Variants in ZNF675 observed in about 807,000 individuals in gnomAD.
ZNF675 encodes the protein TRAF6 inhibitory zinc finger.
ZNF675 carries 36 observed loss-of-function variants against 56.1 expected under a neutral mutation model. That is an observed-to-expected ratio of 0.64 (90% CI 0.49 to 0.85). ZNF675 has a LOEUF of 0.85. ZNF675 is among the 40% of genes least tolerant of loss of function. The probability of loss-of-function intolerance (pLI) is 0.00; values close to 1 mark genes in which losing one functional copy is unlikely to be tolerated. For missense variants in ZNF675, 663 were observed against 654.2 expected, an observed-to-expected ratio of 1.01 and a Z score of -0.15; for synonymous variants, 200 against 218.9, an observed-to-expected ratio of 0.91 and a Z score of 0.76.
rs1599412682 is a variant in ZNF675 at position 23,662,138 on chromosome 19, G to C, written c.202C>G (p.His68Asp). The C allele has an allele frequency of 6.2e-7, 1 of 1,613,602 alleles. No individual in the cohort carries two copies. The highest frequency in any genetic ancestry group is 8.5e-7 in the Non-Finnish European group (1 of 1,179,724). ...CCTGGGGGTTCATTCACCATCTCAT[G>C]TCTCTTCACAGTCAAAGGCTCTTTT... ...QEKEPLTVKR[H>D]EMVNEPPVMC... is the part of the protein sequence containing the mutation. The change falls in exon 3 of 4, where the codon CAT becomes GAT. Residue 68 changes from histidine (H) to aspartate (D), a missense_variant. By Grantham distance (81) the His-to-Asp change is moderately conservative. This residue lies in a region of ZNF675 where 617 missense variants were observed against 590.5 expected (regional missense o/e 1.04). Transcript: ENST00000359788.
At chr19:23,658,756 G>A (rs768094956) in intron 3 of ZNF675, 14 of 130,354 alleles carry the variant, frequency 1.1e-4, no homozygotes, top group Non-Finnish European at 1.7e-4. Context: ...TCCAACTTTA[G>A]AAGCAAAAAA....
intron 3 of ZNF675, among the ~76,000 whole-genome samples, chr19:23,659,776 G>A (rs913359466): frequency 6.6e-6 from 1 of 152,078 alleles, no homozygotes; most frequent in African/African-American, 2.4e-5. Context: ...CAAAGTCTGG[G>A]AGAGATTCTG....
At chr19:23,669,735 G>T (rs1275550541) in intron 1 of ZNF675, among the ~76,000 whole-genome samples, 1 of 151,868 alleles carries the variant, frequency 6.6e-6, no homozygotes, top group Non-Finnish European at 1.5e-5. Context: ...CACCTGTAAT[G>T]CCAGCTACTC....
At chr19:23,658,691 A>G (rs1183350224) in intron 3 of ZNF675, 1 of 151,712 alleles carries the variant, frequency 6.6e-6, no homozygotes, top group African/African-American at 2.4e-5. Context: ...AAAAAAAGAC[A>G]GAAATTTTAC....
intron 1 of ZNF675, among the ~76,000 whole-genome samples, chr19:23,672,735 G>C (rs77503545): frequency 6.6e-6 from 1 of 152,160 alleles, no homozygotes; most frequent in Non-Finnish European, 1.5e-5. Flanking sequence ...AAAAGTTGAG[G>C]CAACATAAAT....
At chr19:23,660,288 G>C (rs1007845107) in intron 3 of ZNF675, among the ~76,000 whole-genome samples, 1 of 151,940 alleles carries the variant, frequency 6.6e-6, no homozygotes, top group Non-Finnish European at 1.5e-5. Context: ...AAAACTTGAG[G>C]TGTTTTCTCC....
chr19:23,665,481 G>T (rs968085192), intron 1 of ZNF675, among the ~76,000 whole-genome samples: 17 of 152,070 alleles, frequency 1.1e-4, no homozygotes, highest in Non-Finnish European at 2.4e-4. Flanking sequence ...TTCATGAGTG[G>T]TTTTTTTGTT....
intron 3 of ZNF675, chr19:23,655,913 C>A (rs978299160): frequency 6.6e-6 from 1 of 151,924 alleles, no homozygotes; most frequent in African/African-American, 2.4e-5. Flanking sequence ...GGCAACATAG[C>A]GAGACCCTGT....
At chr19:23,670,322 G>A (rs4932893) in intron 1 of ZNF675, among the ~76,000 whole-genome samples, 147,896 of 152,226 alleles carry the variant, frequency 0.97, 72,005 homozygotes, top group Middle Eastern at 1. Flanking sequence ...TAATTATGAC[G>A]CTATCCTGCA....
intron 1 of ZNF675, among the ~76,000 whole-genome samples, chr19:23,673,074 G>C (rs1032087263): frequency 4.6e-5 from 7 of 152,212 alleles, no homozygotes; most frequent in African/African-American, 1.7e-4. Flanking sequence ...TGGGGAGAAA[G>C]ACATAATTGT....
At chr19:23,682,586 T>C (rs1294543809) in intron 1 of ZNF675, among the ~76,000 whole-genome samples, 4 of 151,746 alleles carry the variant, frequency 2.6e-5, no homozygotes, top group African/African-American at 9.7e-5. Flanking sequence ...CCTTCTTCCA[T>C]GGCTGGGGTG....
At chr19:23,670,960 T>C (rs114295236) in intron 1 of ZNF675, among the ~76,000 whole-genome samples, 1,738 of 152,208 alleles carry the variant, frequency 0.011, 35 homozygotes, top group African/African-American at 0.039. Context: ...CTGATCCTCA[T>C]TGAAACTACA....
intron 1 of ZNF675, among the ~76,000 whole-genome samples, chr19:23,683,824 A>G (rs1017254848): frequency 2.6e-5 from 4 of 152,218 alleles, no homozygotes; most frequent in Non-Finnish European, 5.9e-5. Context: ...TCACTCTGGG[A>G]AAGAAAAAGG....
intron 1 of ZNF675, among the ~76,000 whole-genome samples, chr19:23,684,562 T>C (rs1773226835): frequency 6.6e-6 from 1 of 152,030 alleles, no homozygotes; most frequent in African/African-American, 2.4e-5. Flanking sequence ...GAGAATCGCT[T>C]GAACCTGGGA....
At position 23,654,539 on chromosome 19, in the gene ZNF675, G is replaced by A; in HGVS notation, c.394C>T (p.Leu132Phe). The part of the protein sequence containing the change: ...CKLHKGGYNG[L>F]NQCLPTMQSK... ...TGCATAGTTGGTAAACATTGGTTAAGTCCATTATAACCTCCCTTGTGCAAC... is the reference window on the plus strand; with the variant it reads ...TGCATAGTTGGTAAACATTGGTTAAATCCATTATAACCTCCCTTGTGCAAC... Residue 132 changes from leucine (L) to phenylalanine (F), a missense_variant, in exon 4 of 4, where the codon CTT becomes TTT. Leu to Phe is a conservative substitution (Grantham distance 22). This residue lies in a region of ZNF675 where 617 missense variants were observed against 590.5 expected (regional missense o/e 1.04). Transcript: ENST00000359788. The A allele has an allele frequency of 6.2e-7, 1 of 1,606,898 alleles. No homozygotes were observed. The highest frequency in any genetic ancestry group is 1.1e-5 in the South Asian group (1 of 90,078).
Position 23,653,516 on chromosome 19 carries a change from T to G in ZNF675, c.1417A>C (p.Ile473Leu), listed in dbSNP as rs1423130743. The G allele has an allele frequency of 1.2e-6, 2 of 1,613,314 alleles. No individual in the cohort carries two copies. Among genetic ancestry groups the G allele is most frequent in the Admixed American group, 3.3e-5 (2 of 59,956 alleles). Reference protein sequence around the residue: ...QSSKLTEHKKIHSGEIPYKCE... With the variant: ...QSSKLTEHKKLHSGEIPYKCE... ...TTGTAGGGTATCTCTCCAGAATGAA[T>G]TTTCTTATGTTCAGTAAGTTTTGAG... The change falls in exon 4 of 4, where the codon ATT (isoleucine) becomes CTT (leucine). Residue 473 changes from isoleucine to leucine, a missense_variant. Ile to Leu is a conservative substitution (Grantham distance 5). This residue lies in a region of ZNF675 where 617 missense variants were observed against 590.5 expected (regional missense o/e 1.04). Transcript: ENST00000359788.
chr19:23,661,644 T>G (rs1167663201), intron 3 of ZNF675, among the ~76,000 whole-genome samples: 2 of 151,960 alleles, frequency 1.3e-5, no homozygotes, highest in Admixed American at 1.3e-4. Flanking sequence ...GAGTCCAGAC[T>G]GTAGCACTGC....
At chr19:23,681,580 C>A (rs1852437) in intron 1 of ZNF675, among the ~76,000 whole-genome samples, 147,160 of 151,620 alleles carry the variant, frequency 0.97, 71,720 homozygotes, top group Middle Eastern at 1. Context: ...TACTGAACAC[C>A]AAGCAATCCT....
chr19:23,662,019 G>T, intron 3 of ZNF675, 95 bp downstream of exon 3: 1 of 887,380 alleles, frequency 1.1e-6, no homozygotes. Flanking sequence ...TTTAAAACAC[G>T]GCTTCCCAAA....
Sources: gnomAD v4.1 joint callset for allele counts (sites outside exome capture counted in the v4.1 genomes callset) on GRCh38, gnomAD v4.1.1 for gene constraint, gnomAD v4.1.1 regional missense constraint, MANE v1.5 for transcripts, NCBI Gene and HGNC (gene_info 2026-07-23, HGNC 2026-07-21) for gene names.